The following TANC2 variants were observed in gnomAD, a reference collection of about 807,000 sequenced individuals.
TANC2 encodes tetratricopeptide repeat, ankyrin repeat and coiled-coil containing 2.
Under a neutral mutation model 210.5 loss-of-function variants are expected in TANC2, and 26 were observed. The ratio of observed to expected loss-of-function variants is 0.12; its 90% CI spans 0.09 to 0.17. The LOEUF (loss-of-function observed/expected upper bound fraction) is 0.17, where lower values mean the gene tolerates loss of function less well. TANC2 is among the 10% of genes least tolerant of loss of function. TANC2 has a pLI of 1.00. For missense variants in TANC2, 2,129 were observed against 2,608.9 expected (o/e 0.82, Z 4.01); for synonymous variants, 931 against 967.1 (o/e 0.96, Z 0.69).
intron 4 of TANC2, among the ~76,000 whole-genome samples, chr17:63,125,523 A>G (rs887798942): frequency 7.2e-5 from 11 of 152,240 alleles, no homozygotes; most frequent in Admixed American, 1.3e-4. Flanking sequence ...ATGACAATAT[A>G]AACATGCCTG....
intron 5 of TANC2, among the ~76,000 whole-genome samples, chr17:63,185,428 GT>G (rs757495972): frequency 8.5e-5 from 13 of 152,234 alleles, no homozygotes; most frequent in Non-Finnish European, 1.6e-4. Flanking sequence ...ATGATGAACA[GT>G]TTTATGAACA....
chr17:63,168,302 C>T (rs1197825006), intron 5 of TANC2, among the ~76,000 whole-genome samples: 2 of 152,048 alleles, frequency 1.3e-5, no homozygotes, highest in Admixed American at 6.6e-5. Context: ...GAGATGAGGT[C>T]CTGTGATTTC....
At chr17:63,384,041 A>C (rs1284441683) in intron 15 of TANC2, among the ~76,000 whole-genome samples, 1 of 152,080 alleles carries the variant, frequency 6.6e-6, no homozygotes, top group Non-Finnish European at 1.5e-5. Flanking sequence ...TTAATTCCTG[A>C]CTGTATGACT....
At chr17:63,227,950 G>A (rs1039754917) in intron 7 of TANC2, among the ~76,000 whole-genome samples, 5 of 151,904 alleles carry the variant, frequency 3.3e-5, no homozygotes, top group African/African-American at 4.8e-5. Flanking sequence ...GGCAACCTCC[G>A]CCTCCTGGAT....
chr17:63,018,240 C>T (rs1568321281), intron 2 of TANC2, among the ~76,000 whole-genome samples: 1 of 152,096 alleles, frequency 6.6e-6, no homozygotes, highest in Non-Finnish European at 1.5e-5. Context: ...CCTGTAATCC[C>T]AGCCCTTTGG....
intron 8 of TANC2, among the ~76,000 whole-genome samples, chr17:63,262,873 A>T (rs1394720152): frequency 6.6e-6 from 1 of 152,176 alleles, no homozygotes; most frequent in Non-Finnish European, 1.5e-5. Flanking sequence ...AAGACATTAG[A>T]TACCTCTTCT....
chr17:63,359,309 C>T (rs531067025), intron 14 of TANC2, among the ~76,000 whole-genome samples: 2 of 151,746 alleles, frequency 1.3e-5, no homozygotes, highest in African/African-American at 2.4e-5. Context: ...CTTGTCCTCC[C>T]AAAGTGCTGG....
intron 17 of TANC2, chr17:63,390,417 A>C (rs1430531167): frequency 2.0e-5 from 3 of 152,228 alleles, no homozygotes; most frequent in Non-Finnish European, 2.9e-5. Flanking sequence ...ACTGTAGCAC[A>C]GTGATTGTGC....
intron 11 of TANC2, among the ~76,000 whole-genome samples, chr17:63,321,967 A>C (rs932759537): frequency 1.1e-4 from 16 of 152,268 alleles, no homozygotes; most frequent in Middle Eastern, 3.4e-3. Context: ...TGCTTTGTGG[A>C]AGTTTTACAG....
At chr17:63,195,021 G>A (rs1391724825) in intron 6 of TANC2, among the ~76,000 whole-genome samples, 3 of 152,078 alleles carry the variant, frequency 2.0e-5, no homozygotes, top group East Asian at 1.9e-4. Flanking sequence ...ATAAATATTA[G>A]TGAAGAGTCT....
rs2048731234 is a variant in TANC2, at chr17:63,412,383, G to C, written c.3898+253G>C. On this transcript the variant is annotated intron_variant, in intron 23 of 27. Transcript: ENST00000689528. The surrounding 1 kb of genome is among the most constrained non-coding windows in gnomAD (Gnocchi z 4.2). ...TAGCCTTAGCCAGGAGGCTGCTCTG[G>C]CCTTAAGCACCTCTCAGCACTGCCT... 6.6e-6 allele frequency among the ~76,000 whole-genome samples: 1 copy of C among 152,120 alleles called. No homozygotes were observed. The highest frequency in any genetic ancestry group is 2.4e-5 in the African/African-American group (1 of 41,420).
intron 11 of TANC2, among the ~76,000 whole-genome samples, chr17:63,337,697 T>C (rs1270332864): frequency 5.3e-5 from 8 of 152,042 alleles, no homozygotes; most frequent in Non-Finnish European, 1.2e-4. Flanking sequence ...AGGAATTTGT[T>C]ATACAGAGTA....
At chr17:63,388,280 G>A (rs1357036139) in intron 15 of TANC2, among the ~76,000 whole-genome samples, 2 of 152,148 alleles carry the variant, frequency 1.3e-5, no homozygotes, top group South Asian at 2.1e-4. Flanking sequence ...ATGGAAATCC[G>A]TGATCACATT....
chr17:63,108,018 GT>G (rs1314614982), intron 4 of TANC2, among the ~76,000 whole-genome samples: 1 of 151,824 alleles, frequency 6.6e-6, no homozygotes, highest in African/African-American at 2.4e-5. Flanking sequence ...GAAAGGGAAA[GT>G]TGATGAATTT....
chr17:63,066,889 T>A (rs1329834357), intron 2 of TANC2, among the ~76,000 whole-genome samples: 1 of 152,096 alleles, frequency 6.6e-6, no homozygotes, highest in Non-Finnish European at 1.5e-5. Flanking sequence ...CTGAAAAGAT[T>A]GCTGTGAGGG....
chr17:63,365,894 T>A (rs1343365981), intron 14 of TANC2, among the ~76,000 whole-genome samples: 2 of 152,042 alleles, frequency 1.3e-5, no homozygotes, highest in African/African-American at 4.8e-5. Flanking sequence ...TTACCTCCTT[T>A]CTAACACTTA....
At chr17:63,128,980 G>A (rs17745400) in intron 4 of TANC2, among the ~76,000 whole-genome samples, 3,121 of 152,096 alleles carry the variant, frequency 0.021, 39 homozygotes, top group South Asian at 0.034. Flanking sequence ...ACTTACGGAC[G>A]GTTTATAGAA....
At chr17:63,116,725 G>T (rs1444327097) in intron 4 of TANC2, among the ~76,000 whole-genome samples, 1 of 152,098 alleles carries the variant, frequency 6.6e-6, no homozygotes, top group Non-Finnish European at 1.5e-5. Flanking sequence ...TGAATGAAAG[G>T]CATTTAATTA....
At chr17:63,157,135 T>TA (rs1390654436) in intron 5 of TANC2, among the ~76,000 whole-genome samples, 1 of 152,160 alleles carries the variant, frequency 6.6e-6, no homozygotes, top group Non-Finnish European at 1.5e-5. Context: ...GTCCAGTTTC[T>TA]AGGCAGATAA....
Sources: gnomAD v4.1 joint callset for allele counts (sites outside exome capture counted in the v4.1 genomes callset) on GRCh38, gnomAD v4.1.1 for gene constraint, Gnocchi (gnomAD v3.1) non-coding constraint, MANE v1.5 for transcripts, NCBI Gene and HGNC (gene_info 2026-07-23, HGNC 2026-07-21) for gene names.